GPM6A: variants seen among roughly 807,000 people sequenced by gnomAD.
The protein encoded by GPM6A is neuronal membrane glycoprotein M6-a.
A neutral mutation model predicts 32.1 loss-of-function variants in GPM6A; 7 were observed. The ratio of observed to expected loss-of-function variants is 0.22; its 90% CI spans 0.12 to 0.41. GPM6A has a LOEUF of 0.41. GPM6A is among the 10% of genes least tolerant of loss of function. The pLI is 1.00. For missense variants in GPM6A, 235 were observed against 347.2 expected, an observed-to-expected ratio of 0.68 and a Z score of 2.57; for synonymous variants, 130 against 123.4, an observed-to-expected ratio of 1.05 and a Z score of -0.35.
chr4:175,947,833 T>C (rs1412969100), intron 1 of GPM6A: 1 of 152,188 alleles, frequency 6.6e-6, no homozygotes, highest in Non-Finnish European at 1.5e-5. Flanking sequence ...TCAAAGAAAA[T>C]ATGAAAATAT....
intron 1 of GPM6A, among the ~76,000 whole-genome samples, chr4:175,949,045 C>T (rs1739712680): frequency 6.6e-6 from 1 of 151,314 alleles, no homozygotes; most frequent in Non-Finnish European, 1.5e-5. Flanking sequence ...TCTTTTCCCA[C>T]AGTTGAATTC....
At chr4:175,863,491 C>T (rs1354139126) in intron 1 of GPM6A, among the ~76,000 whole-genome samples, 1 of 137,580 alleles carries the variant, frequency 7.3e-6, no homozygotes, top group Admixed American at 7.5e-5. Flanking sequence ...TATTAATGGA[C>T]TTTGTTTTTT....
intron 1 of GPM6A, among the ~76,000 whole-genome samples, chr4:175,874,933 G>A (rs527662392): frequency 3.2e-4 from 48 of 152,244 alleles, no homozygotes; most frequent in African/African-American, 9.9e-4. Flanking sequence ...TGCTTAACAC[G>A]CCTCAGTTTC....
At chr4:175,821,835 C>A (rs1303486557) in intron 1 of GPM6A, among the ~76,000 whole-genome samples, 1 of 151,944 alleles carries the variant, frequency 6.6e-6, no homozygotes, top group Non-Finnish European at 1.5e-5. Flanking sequence ...TCTAATAATG[C>A]ATAGGTCTTG....
At chr4:175,972,173 A>G (rs931168136) in intron 1 of GPM6A, among the ~76,000 whole-genome samples, 1 of 152,232 alleles carries the variant, frequency 6.6e-6, no homozygotes, top group Admixed American at 6.5e-5. Context: ...AATTTATTTA[A>G]AAAAGAAAAT....
chr4:175,784,464 A>G (rs1380200143), intron 1 of GPM6A, among the ~76,000 whole-genome samples: 1 of 152,164 alleles, frequency 6.6e-6, no homozygotes, highest in Non-Finnish European at 1.5e-5. Flanking sequence ...TAATGTATTA[A>G]TTTTGATTAA....
chr4:175,988,241 C>T (rs947272909), intron 1 of GPM6A, among the ~76,000 whole-genome samples: 1 of 152,058 alleles, frequency 6.6e-6, no homozygotes, highest in Non-Finnish European at 1.5e-5. Context: ...AGCTTAGTAA[C>T]CTAAGCAATG....
At chr4:175,962,817 G>C (rs79711101) in intron 1 of GPM6A, among the ~76,000 whole-genome samples, 15,399 of 152,186 alleles carry the variant, frequency 0.1, 891 homozygotes, top group South Asian at 0.24. Context: ...CAAAATTTAA[G>C]AGACAGGGCA....
rs1018049793 is a variant in GPM6A at position 175,866,459 on chromosome 4, T to C, written c.-22-54210A>G. Among the ~76,000 whole-genome samples, 9 of 152,306 alleles carry C rather than the reference T, an allele frequency of 5.9e-5. No individual in the cohort carries two copies. In the South Asian group the frequency reaches 8.3e-4, roughly 14 times the overall value. Reference sequence around the variant, plus strand: ...ATCCCTCAACCCCTGACAACAAAGATATTTTTACTATCACCATTCTGCCTT... The same window carrying C: ...ATCCCTCAACCCCTGACAACAAAGACATTTTTACTATCACCATTCTGCCTT... On this transcript the variant is annotated intron_variant, in intron 1 of 7. Coordinates refer to the GPM6A transcript ENST00000280187.
At chr4:175,744,425 G>T (rs1732016534) in intron 1 of GPM6A, among the ~76,000 whole-genome samples, 2 of 152,074 alleles carry the variant, frequency 1.3e-5, no homozygotes, top group Non-Finnish European at 2.9e-5. Flanking sequence ...ACAAGTCGAT[G>T]ATCTAAGCAT....
At chr4:175,963,688 A>T (rs1740240166) in intron 1 of GPM6A, among the ~76,000 whole-genome samples, 1 of 152,194 alleles carries the variant, frequency 6.6e-6, no homozygotes, top group Non-Finnish European at 1.5e-5. Flanking sequence ...TAGAGAAATG[A>T]AGAGCTTTAA....
At chr4:175,994,901 T>C (rs1375160024) in intron 1 of GPM6A, among the ~76,000 whole-genome samples, 1 of 152,224 alleles carries the variant, frequency 6.6e-6, no homozygotes, top group Admixed American at 6.5e-5. Flanking sequence ...TCTAGAACCT[T>C]TGTTGTCATT....
intron 1 of GPM6A, among the ~76,000 whole-genome samples, chr4:175,856,444 C>T (rs913724710): frequency 6.6e-6 from 1 of 152,196 alleles, no homozygotes; most frequent in Non-Finnish European, 1.5e-5. Context: ...TACCAGCGCG[C>T]AGCAGCATCT....
chr4:175,812,774 G>C (rs950627752), upstream of GPM6A: 52 of 985,246 alleles, frequency 5.3e-5, 1 homozygote, highest in South Asian at 2.3e-3. Flanking sequence ...ATTCCCGTCG[G>C]TTCTTTATGC....
upstream of GPM6A, chr4:175,812,927 G>T (rs1734986574): frequency 1.0e-6 from 1 of 985,124 alleles, no homozygotes; most frequent in Non-Finnish European, 1.2e-6. Context: ...ATCTGCAAAA[G>T]TTTATTACTA....
intron 6 of GPM6A, among the ~76,000 whole-genome samples, chr4:175,638,956 T>A (rs1395168766): frequency 6.6e-6 from 1 of 152,166 alleles, no homozygotes; most frequent in African/African-American, 2.4e-5. Flanking sequence ...ATAAGGCCTT[T>A]GCTTTTGTTC....
chr4:175,840,113 A>C (rs558535594), intron 1 of GPM6A, among the ~76,000 whole-genome samples: 7 of 152,192 alleles, frequency 4.6e-5, no homozygotes, highest in Non-Finnish European at 1.0e-4. Context: ...AGACATTAGA[A>C]GACAGCTATG....
chr4:175,932,440 A>G (rs1678208998), intron 1 of GPM6A, among the ~76,000 whole-genome samples: 1 of 152,202 alleles, frequency 6.6e-6, no homozygotes, highest in Admixed American at 6.5e-5. Flanking sequence ...CAAACCTGTG[A>G]GCGCCTTGAT....
chr4:175,709,299 GTCTCTC>G (rs754041265), intron 1 of GPM6A, among the ~76,000 whole-genome samples: 1 of 134,928 alleles, frequency 7.4e-6, no homozygotes, highest in African/African-American at 2.8e-5. Context: ...TTCTCTCTCT[GTCTCTC>G]TCTCTCTCTC....
Sources: gnomAD v4.1 joint callset for allele counts (sites outside exome capture counted in the v4.1 genomes callset) on GRCh38, gnomAD v4.1.1 for gene constraint, MANE v1.5 for transcripts, NCBI Gene and HGNC (gene_info 2026-07-23, HGNC 2026-07-21) for gene names.